Variants in CLNK observed in about 807,000 individuals in gnomAD.
CLNK encodes the protein cytokine dependent hematopoietic cell linker.
In CLNK, 74 loss-of-function variants were observed where a neutral mutation model predicts 68.6. The observed-to-expected ratio is 1.08, with a 90% CI of 0.89 to 1.31. The LOEUF is 1.31. CLNK is among the 50% of genes most tolerant of loss of function. The pLI is 0.00. For synonymous variants in CLNK, 198 were observed against 172.2 expected (o/e 1.15, Z -1.17); for missense variants, 553 against 515.3 (o/e 1.07, Z -0.71).
chr4:10,510,112 A>G (rs757513702), intron 16 of CLNK, among the ~76,000 whole-genome samples: 2 of 152,154 alleles, frequency 1.3e-5, no homozygotes, highest in African/African-American at 2.4e-5. Flanking sequence ...GTTGGAAGAC[A>G]TTTAGAGATT....
chr4:10,503,828 G>A (rs1717164690), intron 17 of CLNK, among the ~76,000 whole-genome samples: 1 of 122,808 alleles, frequency 8.1e-6, no homozygotes, highest in Non-Finnish European at 1.6e-5. Flanking sequence ...TGTTGCCCAG[G>A]CTGGAATGCA....
intron 2 of CLNK, among the ~76,000 whole-genome samples, chr4:10,607,939 C>A (rs1014486417): frequency 2.0e-5 from 3 of 152,204 alleles, no homozygotes; most frequent in Non-Finnish European, 2.9e-5. Context: ...GGTGGATAAT[C>A]ATGAAAAATA....
chr4:10,704,547 C>G, the CLNK span, among the ~76,000 whole-genome samples: 2 of 152,172 alleles, frequency 1.3e-5, no homozygotes, highest in Non-Finnish European at 2.9e-5. Flanking sequence ...CCTCCCTCCA[C>G]TTGGATCAAC....
chr4:10,545,299 A>C (rs745749210), intron 8 of CLNK, among the ~76,000 whole-genome samples: 6 of 152,198 alleles, frequency 3.9e-5, no homozygotes, highest in African/African-American at 7.2e-5. Context: ...ACACATTCCT[A>C]TTCTAAAAGG....
chr4:10,656,748 T>G (rs1577201043), intron 2 of CLNK, among the ~76,000 whole-genome samples: 1 of 152,232 alleles, frequency 6.6e-6, no homozygotes, highest in East Asian at 1.9e-4. Flanking sequence ...CTTTAGGACA[T>G]GTAAACTGGA....
the CLNK span, chr4:10,697,100 C>G: frequency 1.3e-5 from 2 of 152,188 alleles, no homozygotes; most frequent in African/African-American, 2.4e-5. Flanking sequence ...CACCCCTCAA[C>G]CTTTCTACAT....
intron 8 of CLNK, among the ~76,000 whole-genome samples, chr4:10,543,097 T>G (rs577175603): frequency 8.6e-4 from 131 of 152,286 alleles, no homozygotes; most frequent in Middle Eastern, 3.4e-3. Context: ...GATGTGACAC[T>G]GTGAAGATGG....
intron 17 of CLNK, among the ~76,000 whole-genome samples, chr4:10,504,924 A>G (rs951372990): frequency 6.6e-6 from 1 of 152,200 alleles, no homozygotes; most frequent in Non-Finnish European, 1.5e-5. Flanking sequence ...GTTTCTTGGG[A>G]AGAGGCAGAA....
intron 2 of CLNK, among the ~76,000 whole-genome samples, chr4:10,618,898 T>C (rs1252339827): frequency 6.6e-6 from 1 of 152,226 alleles, no homozygotes; most frequent in Non-Finnish European, 1.5e-5. Flanking sequence ...CAGGCCCCAC[T>C]TCCAGCACTG....
chr4:10,573,617 G>A (rs1194112154), intron 4 of CLNK, among the ~76,000 whole-genome samples: 2 of 152,162 alleles, frequency 1.3e-5, no homozygotes, highest in African/African-American at 2.4e-5. Context: ...GAATTATTGG[G>A]GATCTGCTCT....
intron 3 of CLNK, among the ~76,000 whole-genome samples, chr4:10,587,744 A>G (rs985070104): frequency 2.0e-5 from 3 of 152,152 alleles, no homozygotes; most frequent in African/African-American, 7.2e-5. Flanking sequence ...AGAGGGCTCT[A>G]CAACTTGCCC....
chr4:10,566,254 A>G (rs1720109809), intron 5 of CLNK, 104 bp from the exon 6 acceptor site: 1 of 1,093,658 alleles, frequency 9.1e-7, no homozygotes, highest in African/African-American at 1.6e-5. Flanking sequence ...CTTAGCTGCA[A>G]GTTAAATATT....
intron 11 of CLNK, among the ~76,000 whole-genome samples, chr4:10,538,164 C>T (rs879513161): frequency 6.6e-6 from 1 of 152,110 alleles, no homozygotes; most frequent in African/African-American, 2.4e-5. Flanking sequence ...TGCCCTCTGT[C>T]GCCCTCTGTC....
chr4:10,589,723 A>C (rs917251436), intron 3 of CLNK, among the ~76,000 whole-genome samples: 11 of 152,198 alleles, frequency 7.2e-5, no homozygotes, highest in Non-Finnish European at 2.9e-5. Context: ...CATTGTCTTG[A>C]CACAAGCAAT....
intron 11 of CLNK, 146 bp from the exon 12 acceptor site, chr4:10,532,429 T>C (rs997391633): frequency 3.0e-6 from 2 of 655,932 alleles, no homozygotes; most frequent in South Asian, 2.0e-5. Flanking sequence ...CACTCTTCCA[T>C]AAAACTAAAG....
At chr4:10,602,589 C>T (rs1721629353) in intron 2 of CLNK, among the ~76,000 whole-genome samples, 1 of 152,158 alleles carries the variant, frequency 6.6e-6, no homozygotes, top group Non-Finnish European at 1.5e-5. Flanking sequence ...GGAGGGAGCA[C>T]GGCCCTAGCT....
the CLNK span, among the ~76,000 whole-genome samples, chr4:10,731,543 CTCTT>C: frequency 1.3e-5 from 2 of 152,206 alleles, no homozygotes; most frequent in Non-Finnish European, 1.5e-5. Context: ...AAGAGGAACT[CTCTT>C]TCATCTGTTA....
intron 11 of CLNK, 130 bp from the exon 12 acceptor site, chr4:10,532,413 A>G (rs1285035660): frequency 1.4e-6 from 1 of 700,162 alleles, no homozygotes; most frequent in Non-Finnish European, 2.4e-6. Context: ...CCAGTGAGAT[A>G]TTTATCACTC....
Position 10,599,646 on chromosome 4 carries a change from T to C in CLNK, c.12-1597A>G, listed in dbSNP as rs367767802. Among the ~76,000 whole-genome samples, 92 of 152,270 alleles carry C rather than the reference T, an allele frequency of 6.0e-4. 1 individual carries two copies. The East Asian group carries it at 0.017, about 28-fold the overall frequency. On this transcript the variant is annotated intron_variant, in intron 2 of 18. Transcript: ENST00000226951. ...ACAGGCCTTTTTCCTAGCGAGAAGCTCCATTGCTCACATGGTTTCCACACC... is the reference window on the plus strand; with the variant it reads ...ACAGGCCTTTTTCCTAGCGAGAAGCCCCATTGCTCACATGGTTTCCACACC...
Sources: allele counts gnomAD v4.1 joint callset (sites outside exome capture counted in the v4.1 genomes callset), GRCh38; gene constraint gnomAD v4.1.1; transcripts MANE v1.5; gene names NCBI Gene and HGNC (gene_info 2026-07-23, HGNC 2026-07-21).